Variants in EYA4 observed in about 807,000 individuals in gnomAD.
The protein encoded by EYA4 is EYA transcriptional coactivator and phosphatase 4, also known as protein phosphatase EYA4.
Under a neutral mutation model 87.9 loss-of-function variants are expected in EYA4, and 31 were observed. The ratio of observed to expected loss-of-function variants is 0.35; its 90% CI spans 0.27 to 0.48. EYA4 has a LOEUF of 0.48. EYA4 is among the 20% of genes least tolerant of loss of function. The pLI is 0.99. For missense variants in EYA4, 678 were observed against 761.4 expected, an observed-to-expected ratio of 0.89 and a Z score of 1.29; for synonymous variants, 263 against 270.6, an observed-to-expected ratio of 0.97 and a Z score of 0.28.
chr6:133,502,941 T>C (rs1583481596), intron 13 of EYA4, among the ~76,000 whole-genome samples: 1 of 152,170 alleles, frequency 6.6e-6, no homozygotes. Context: ...CAGTTACAAA[T>C]GATATTTTGC....
At chr6:133,402,235 A>G (rs908590051) in intron 3 of EYA4, among the ~76,000 whole-genome samples, 8 of 152,084 alleles carry the variant, frequency 5.3e-5, no homozygotes, top group Non-Finnish European at 1.2e-4. Flanking sequence ...ACGTACAGCT[A>G]CCAAAGATTG....
intron 2 of EYA4, among the ~76,000 whole-genome samples, chr6:133,351,782 C>G (rs1420708145): frequency 6.6e-6 from 1 of 152,104 alleles, no homozygotes; most frequent in Non-Finnish European, 1.5e-5. Flanking sequence ...TTTCCCATAA[C>G]ATTTTATTAT....
At chr6:133,252,507 A>G (rs1233864960) in intron 1 of EYA4, among the ~76,000 whole-genome samples, 3 of 152,218 alleles carry the variant, frequency 2.0e-5, no homozygotes, top group Non-Finnish European at 2.9e-5. Context: ...CATTTTATCT[A>G]TGAAATGATA....
At chr6:133,351,119 G>A (rs1268506186) in intron 2 of EYA4, among the ~76,000 whole-genome samples, 1 of 152,070 alleles carries the variant, frequency 6.6e-6, no homozygotes, top group African/African-American at 2.4e-5. Flanking sequence ...AGTAACTTCC[G>A]AATCAGCTTA....
rs116930829 is a variant in EYA4 at position 133,330,387 on chromosome 6, C to T, written c.34-52005C>T. ...CTGTAATTATAAATTACCCCCTCTG[C>T]TAATTACAATGAAGTTTTTTGAAGA... On this transcript the variant is annotated intron_variant, in intron 2 of 19. Coordinates refer to ENST00000355286, the MANE Select transcript of EYA4 (RefSeq NM_004100.5). Among the ~76,000 whole-genome samples the T allele has an allele frequency of 2.4e-4, 37 of 152,042 alleles. No homozygotes were observed. In the East Asian group the frequency reaches 6.9e-3, roughly 29 times the overall value.
intron 1 of EYA4, 62 bp downstream of exon 1, chr6:133,241,811 A>AC (rs1408851934): frequency 1.3e-5 from 2 of 151,542 alleles, no homozygotes; most frequent in Non-Finnish European, 2.9e-5. Flanking sequence ...AGTTGAGAGA[A>AC]CCCCCAAACT....
chr6:133,525,299 C>A, intron 19 of EYA4, 45 bp downstream of exon 19: 1 of 1,517,344 alleles, frequency 6.6e-7, no homozygotes, highest in Non-Finnish European at 9.1e-7. Context: ...CTAATGCAAG[C>A]CTTTTTGTTT....
At chr6:133,333,710 T>C (rs1036070489) in intron 2 of EYA4, among the ~76,000 whole-genome samples, 23 of 152,304 alleles carry the variant, frequency 1.5e-4, no homozygotes, top group African/African-American at 5.5e-4. Context: ...CTTTTTTTCC[T>C]TTTATTTTAT....
chr6:133,392,089 T>G (rs1787349082), intron 3 of EYA4, among the ~76,000 whole-genome samples: 1 of 152,158 alleles, frequency 6.6e-6, no homozygotes, highest in Non-Finnish European at 1.5e-5. Context: ...GCAGCGAAAC[T>G]GCAAAGTAAG....
chr6:133,332,025 T>A (rs1273590256), intron 2 of EYA4, among the ~76,000 whole-genome samples: 3 of 152,184 alleles, frequency 2.0e-5, no homozygotes, highest in Non-Finnish European at 2.9e-5. Context: ...AGACGGCAAA[T>A]CAGTGGACTT....
intron 2 of EYA4, among the ~76,000 whole-genome samples, chr6:133,357,615 C>CA (rs1327941673): frequency 1.3e-5 from 2 of 152,062 alleles, no homozygotes; most frequent in Non-Finnish European, 2.9e-5. Flanking sequence ...CAGGTCAGGT[C>CA]AAAAAATCTA....
intron 2 of EYA4, 77 bp from the exon 3 acceptor site, chr6:133,382,315 T>G: frequency 1.0e-6 from 1 of 1,002,240 alleles, no homozygotes; most frequent in Non-Finnish European, 1.6e-6. Flanking sequence ...CAGAGCTATA[T>G]CCGCTTTAAT....
At chr6:133,482,983 C>A (rs1796348987) in intron 12 of EYA4, 49 bp from the exon 13 acceptor site, 1 of 1,425,620 alleles carries the variant, frequency 7.0e-7, no homozygotes, top group Non-Finnish European at 9.9e-7. Context: ...AAAGAGATTT[C>A]TGTTTCCTTG....
chr6:133,356,783 GTGTGTGTGTATA>G (rs1278430066), intron 2 of EYA4, among the ~76,000 whole-genome samples: 144 of 97,140 alleles, frequency 1.5e-3, no homozygotes, highest in African/African-American at 6.3e-3. Flanking sequence ...GTGTGTGTGT[GTGTGTGTGTATA>G]TATATATTTT....
At chr6:133,271,439 C>T (rs535133665) in intron 1 of EYA4, among the ~76,000 whole-genome samples, 154 of 152,256 alleles carry the variant, frequency 1.0e-3, no homozygotes, top group African/African-American at 3.0e-3. Flanking sequence ...AAAGGCATTC[C>T]GTGAGTCCGT....
At chr6:133,456,417 A>G in intron 5 of EYA4, 139 bp from the exon 6 acceptor site, 1 of 725,016 alleles carries the variant, frequency 1.4e-6, no homozygotes, top group Non-Finnish European at 2.5e-6. Flanking sequence ...TTAGAAGCTA[A>G]ATTAACAAAC....
At chr6:133,481,934 G>T (rs182655307) in intron 12 of EYA4, among the ~76,000 whole-genome samples, 1 of 152,246 alleles carries the variant, frequency 6.6e-6, no homozygotes, top group South Asian at 2.1e-4. Flanking sequence ...CACTGTATTC[G>T]ATAGCACTAA....
At chr6:133,381,586 C>A (rs1786226876) in intron 2 of EYA4, among the ~76,000 whole-genome samples, 1 of 151,982 alleles carries the variant, frequency 6.6e-6, no homozygotes, top group African/African-American at 2.4e-5. Flanking sequence ...TATGAACACC[C>A]AGAAATAGTG....
At chr6:133,497,997 GAATT>G (rs1468477024) in intron 13 of EYA4, among the ~76,000 whole-genome samples, 2 of 152,278 alleles carry the variant, frequency 1.3e-5, no homozygotes, top group African/African-American at 4.8e-5. Context: ...ATGTTTATCA[GAATT>G]AATCAATTGA....
Sources: allele counts gnomAD v4.1 joint callset (sites outside exome capture counted in the v4.1 genomes callset), GRCh38; gene constraint gnomAD v4.1.1; transcripts MANE v1.5; gene names NCBI Gene and HGNC (gene_info 2026-07-23, HGNC 2026-07-21).